The following UNC5C variants were observed in gnomAD, a reference collection of about 807,000 sequenced individuals.
UNC5C encodes netrin receptor UNC5C.
In UNC5C, 47 loss-of-function variants were observed where a neutral mutation model predicts 99.8. The observed-to-expected ratio is 0.47, with a 90% CI of 0.37 to 0.60. UNC5C has a LOEUF of 0.60. Ranked by LOEUF, UNC5C falls within the 20% of genes least tolerant of loss-of-function variation. UNC5C has a pLI of 0.00. For synonymous variants in UNC5C, 487 were observed against 452.2 expected (o/e 1.08, Z -0.98); for missense variants, 1,062 against 1,165.9 (o/e 0.91, Z 1.30).
intron 15 of UNC5C, among the ~76,000 whole-genome samples, chr4:95,169,822 C>T (rs1415257338): frequency 6.6e-6 from 1 of 152,134 alleles, no homozygotes; most frequent in Non-Finnish European, 1.5e-5. Context: ...AATTATTAAT[C>T]AAACATTAGG....
At chr4:95,347,392 G>A (rs1458797925) in intron 1 of UNC5C, among the ~76,000 whole-genome samples, 1 of 151,728 alleles carries the variant, frequency 6.6e-6, no homozygotes, top group East Asian at 1.9e-4. Flanking sequence ...ATTCTTCACA[G>A]AAATAGAAAA....
intron 14 of UNC5C, among the ~76,000 whole-genome samples, chr4:95,172,478 A>T (rs1736162318): frequency 6.6e-6 from 1 of 152,178 alleles, no homozygotes; most frequent in Non-Finnish European, 1.5e-5. Flanking sequence ...TTTCCTCAGC[A>T]CCATTTATTA....
At chr4:95,185,303 C>T in intron 12 of UNC5C, 107 bp from the exon 13 acceptor site, 3 of 1,378,936 alleles carry the variant, frequency 2.2e-6, no homozygotes, top group South Asian at 1.4e-5. Context: ...GCAGGCGGAA[C>T]TTGTGCAACA....
chr4:95,220,173 G>C lies in UNC5C; in HGVS notation c.1112C>G (p.Ala371Gly). The change falls in exon 8 of 16, where the codon GCT (alanine) becomes GGT (glycine). Residue 371 changes from alanine (A) to glycine (G), a missense_variant. Transcript: ENST00000453304. ...GAGAGCAACATCATCTGAATCAGGA[G>C]CAGCTAGAGAGGAGAGTGAAACATT... ...NCTDGLCMQT[A>G]PDSDDVALYV... 6.2e-7 allele frequency: 1 copy of C among 1,612,374 alleles called. No homozygotes were observed. The highest frequency in any genetic ancestry group is 8.5e-7 in the Non-Finnish European group (1 of 1,179,074).
At chr4:95,456,135 C>A (rs942561516) in intron 1 of UNC5C, among the ~76,000 whole-genome samples, 1 of 151,994 alleles carries the variant, frequency 6.6e-6, no homozygotes, top group African/African-American at 2.4e-5. Flanking sequence ...TCAATTGTAT[C>A]TTTCGTGTGT....
intron 2 of UNC5C, among the ~76,000 whole-genome samples, chr4:95,319,442 T>G (rs925683216): frequency 1.3e-5 from 2 of 152,196 alleles, no homozygotes; most frequent in African/African-American, 4.8e-5. Context: ...CAAGGCTCCG[T>G]CATCAGAATT....
At chr4:95,277,684 G>A (rs1380704183) in intron 4 of UNC5C, among the ~76,000 whole-genome samples, 1 of 152,144 alleles carries the variant, frequency 6.6e-6, no homozygotes, top group Non-Finnish European at 1.5e-5. Flanking sequence ...GCAACCAATA[G>A]GCTTTGTTCT....
chr4:95,242,884 G>C (rs1484005882), intron 6 of UNC5C, among the ~76,000 whole-genome samples: 1 of 152,148 alleles, frequency 6.6e-6, no homozygotes, highest in African/African-American at 2.4e-5. Context: ...GGCCATGATG[G>C]TTTCCCTTTT....
chr4:95,386,116 T>C (rs1745204947), intron 1 of UNC5C, among the ~76,000 whole-genome samples: 1 of 152,176 alleles, frequency 6.6e-6, no homozygotes, highest in African/African-American at 2.4e-5. Context: ...TTTCTCCCGG[T>C]AATTTTTCTA....
chr4:95,362,107 T>C (rs1744412496), intron 1 of UNC5C, among the ~76,000 whole-genome samples: 1 of 152,128 alleles, frequency 6.6e-6, no homozygotes, highest in African/African-American at 2.4e-5. Flanking sequence ...TGAGCCCTAG[T>C]TTCAACACCT....
At chr4:95,180,073 C>A (rs1736551643) in intron 14 of UNC5C, among the ~76,000 whole-genome samples, 1 of 152,102 alleles carries the variant, frequency 6.6e-6, no homozygotes, top group Non-Finnish European at 1.5e-5. Flanking sequence ...ATCAGTGGCA[C>A]CAGTAAAAAT....
chr4:95,435,049 T>G (rs959074011), intron 1 of UNC5C, among the ~76,000 whole-genome samples: 3 of 152,154 alleles, frequency 2.0e-5, no homozygotes, highest in Non-Finnish European at 4.4e-5. Context: ...ATTCATTCAT[T>G]AAATGAATAC....
At chr4:95,178,480 ATATC>A (rs890071748) in intron 14 of UNC5C, among the ~76,000 whole-genome samples, 3 of 151,854 alleles carry the variant, frequency 2.0e-5, no homozygotes, top group African/African-American at 4.8e-5. Flanking sequence ...TGGTGAGAGT[ATATC>A]AATCAATCAA....
chr4:95,493,925 TACA>T (rs770611252), intron 1 of UNC5C, among the ~76,000 whole-genome samples: 5 of 151,580 alleles, frequency 3.3e-5, no homozygotes, highest in East Asian at 2.0e-4. Flanking sequence ...CTCTATCAAT[TACA>T]ACGCCATTTT....
At chr4:95,189,645 A>C (rs996598556) in intron 12 of UNC5C, among the ~76,000 whole-genome samples, 1 of 152,222 alleles carries the variant, frequency 6.6e-6, no homozygotes, top group Non-Finnish European at 1.5e-5. Context: ...AATTTACGAG[A>C]AAGAAACAAA....
intron 1 of UNC5C, among the ~76,000 whole-genome samples, chr4:95,512,692 T>C (rs1475477804): frequency 6.6e-6 from 1 of 152,220 alleles, no homozygotes; most frequent in African/African-American, 2.4e-5. Flanking sequence ...ATTTATTATA[T>C]GCAATTATAT....
Position 95,352,097 on chromosome 4 carries a change from C to T in UNC5C, c.125-16466G>A, listed in dbSNP as rs539709428. 3.9e-5 allele frequency among the ~76,000 whole-genome samples: 6 copies of T among 152,242 alleles called. No individual in the cohort carries two copies. In the East Asian group the frequency reaches 9.7e-4, roughly 25 times the overall value. On this transcript the variant is annotated intron_variant, in intron 1 of 15. Transcript: ENST00000453304. ...TGGCTTCAGTTAGCAGATCATGTCA[C>T]ATACACAACCTTCCACTCCACTCTG... is the stretch of plus-strand genomic sequence containing the variant.
chr4:95,285,020 A>G (rs1387577208), intron 3 of UNC5C, among the ~76,000 whole-genome samples: 1 of 152,230 alleles, frequency 6.6e-6, no homozygotes, highest in Non-Finnish European at 1.5e-5. Context: ...AAATATCAGC[A>G]AAAGCATCTC....
chr4:95,287,790 G>A (rs77920445), intron 3 of UNC5C, among the ~76,000 whole-genome samples: 5,846 of 152,230 alleles, frequency 0.038, 273 homozygotes, highest in African/African-American at 0.11. Context: ...GTTTTTATCC[G>A]ATATCATGTC....
Sources: allele counts gnomAD v4.1 joint callset (sites outside exome capture counted in the v4.1 genomes callset), GRCh38; gene constraint gnomAD v4.1.1; transcripts MANE v1.5; gene names NCBI Gene and HGNC (gene_info 2026-07-23, HGNC 2026-07-21).